FBXL17: variants seen among roughly 807,000 people sequenced by gnomAD.
FBXL17 encodes the protein F-box and leucine rich repeat protein 17, also known as F-box/LRR-repeat protein 17.
In FBXL17, 22 loss-of-function variants were observed where a neutral mutation model predicts 66.2. That is an observed-to-expected ratio of 0.33 (90% CI 0.24 to 0.47). The LOEUF is 0.47. Ranked by LOEUF, FBXL17 falls within the 20% of genes least tolerant of loss-of-function variation. The probability of loss-of-function intolerance (pLI) is 1.00; values close to 1 mark genes in which losing one functional copy is unlikely to be tolerated. For synonymous variants in FBXL17, 474 were observed against 400.5 expected, an observed-to-expected ratio of 1.18 and a Z score of -2.19; for missense variants, 878 against 948.2, an observed-to-expected ratio of 0.93 and a Z score of 0.97.
At chr5:107,883,146 C>T (rs1333003852) in intron 7 of FBXL17, among the ~76,000 whole-genome samples, 4 of 152,178 alleles carry the variant, frequency 2.6e-5, no homozygotes, top group Non-Finnish European at 5.9e-5. Flanking sequence ...GTTCTATGTG[C>T]CAGGCCCTTG....
At chr5:108,127,752 A>T (rs2149972764) in intron 6 of FBXL17, among the ~76,000 whole-genome samples, 1 of 152,314 alleles carries the variant, frequency 6.6e-6, no homozygotes, top group East Asian at 1.9e-4. Flanking sequence ...AACTTCCCAA[A>T]TGCTGATAGC....
chr5:107,922,032 G>A (rs954929546), intron 7 of FBXL17, among the ~76,000 whole-genome samples: 1 of 152,196 alleles, frequency 6.6e-6, no homozygotes, highest in African/African-American at 2.4e-5. Context: ...ACTAAGCGAT[G>A]TTGGGAAAGA....
intron 4 of FBXL17, among the ~76,000 whole-genome samples, chr5:108,238,847 G>A (rs894429375): frequency 6.6e-6 from 1 of 152,070 alleles, no homozygotes; most frequent in Non-Finnish European, 1.5e-5. Flanking sequence ...AATTCCATGT[G>A]TGGTTAACGT....
intron 6 of FBXL17, among the ~76,000 whole-genome samples, chr5:108,068,458 TG>T (rs113038445): frequency 0.76 from 90,999 of 120,418 alleles, 31,870 homozygotes; most frequent in East Asian, 0.92. Context: ...TTTCTTTTTT[TG>T]GGGGGGGGGC....
intron 6 of FBXL17, among the ~76,000 whole-genome samples, chr5:108,159,420 G>C (rs1395444332): frequency 2.0e-5 from 3 of 152,146 alleles, no homozygotes; most frequent in East Asian, 3.9e-4. Context: ...TAACCACCAA[G>C]GTGATGGTAT....
intron 4 of FBXL17, among the ~76,000 whole-genome samples, chr5:108,328,146 C>G (rs1366273105): frequency 6.6e-6 from 1 of 152,016 alleles, no homozygotes; most frequent in Non-Finnish European, 1.5e-5. Flanking sequence ...CTGGCCTGGC[C>G]TTAAGGAAAG....
intron 4 of FBXL17, among the ~76,000 whole-genome samples, chr5:108,343,059 G>C (rs1008673934): frequency 6.6e-6 from 1 of 152,176 alleles, no homozygotes; most frequent in African/African-American, 2.4e-5. Flanking sequence ...TACCATGTGA[G>C]GATACAGGGA....
chr5:108,165,975 T>A (rs1171603139), intron 6 of FBXL17, among the ~76,000 whole-genome samples: 1 of 152,182 alleles, frequency 6.6e-6, no homozygotes, highest in Non-Finnish European at 1.5e-5. Flanking sequence ...AGTGAAATAA[T>A]ATAGTAACCT....
intron 7 of FBXL17, among the ~76,000 whole-genome samples, chr5:108,008,730 T>C (rs1294918442): frequency 6.6e-6 from 1 of 152,150 alleles, no homozygotes; most frequent in Non-Finnish European, 1.5e-5. Flanking sequence ...AGTTGCTCCC[T>C]ATACAAGTGC....
chr5:107,954,698 T>A (rs955991745), intron 7 of FBXL17, among the ~76,000 whole-genome samples: 1 of 152,058 alleles, frequency 6.6e-6, no homozygotes, highest in Non-Finnish European at 1.5e-5. Context: ...AAAGGAGAGA[T>A]GAATGAAAAG....
chr5:108,276,624 G>T (rs999300269), intron 4 of FBXL17, among the ~76,000 whole-genome samples: 5 of 152,042 alleles, frequency 3.3e-5, no homozygotes, highest in Non-Finnish European at 7.4e-5. Context: ...GAGAAAAAAA[G>T]ACGTCTAACA....
intron 4 of FBXL17, among the ~76,000 whole-genome samples, chr5:108,293,112 CAA>C (rs543502394): frequency 7.0e-6 from 1 of 142,844 alleles, no homozygotes; most frequent in Non-Finnish European, 1.5e-5. Flanking sequence ...AAAAAAAAAA[CAA>C]AAAAAAACTT....
chr5:108,256,372 C>G (rs1561490970), intron 4 of FBXL17, among the ~76,000 whole-genome samples: 1 of 151,994 alleles, frequency 6.6e-6, no homozygotes, highest in Non-Finnish European at 1.5e-5. Flanking sequence ...TTATTTATTT[C>G]ATTTTATTAA....
intron 6 of FBXL17, among the ~76,000 whole-genome samples, chr5:108,123,281 T>C (rs1750575001): frequency 1.3e-5 from 2 of 152,012 alleles, no homozygotes; most frequent in African/African-American, 4.8e-5. Flanking sequence ...AAGAAGTGCA[T>C]TAGACTGTCA....
chr5:108,237,499 G>A (rs1370248289), intron 4 of FBXL17, among the ~76,000 whole-genome samples: 1 of 152,160 alleles, frequency 6.6e-6, no homozygotes, highest in East Asian at 1.9e-4. Flanking sequence ...CAGCAGAATG[G>A]TTGTGACTTT....
chr5:107,900,938 G>A (rs921493608), intron 7 of FBXL17, among the ~76,000 whole-genome samples: 1 of 152,062 alleles, frequency 6.6e-6, no homozygotes, highest in East Asian at 1.9e-4. Flanking sequence ...CATTTCAGGG[G>A]ATTAGAGGAT....
intron 4 of FBXL17, among the ~76,000 whole-genome samples, chr5:108,334,180 C>T (rs1580837040): frequency 6.6e-6 from 1 of 152,006 alleles, no homozygotes; most frequent in Admixed American, 6.5e-5. Flanking sequence ...CCTAAATTGC[C>T]CAAGAACTAG....
At chr5:108,144,339 G>A (rs1580507253) in intron 6 of FBXL17, among the ~76,000 whole-genome samples, 1 of 152,046 alleles carries the variant, frequency 6.6e-6, no homozygotes, top group South Asian at 2.1e-4. Flanking sequence ...TATTTGGGCC[G>A]AATTTAGGTA....
intron 4 of FBXL17, among the ~76,000 whole-genome samples, chr5:108,236,469 C>T (rs539449713): frequency 8.0e-5 from 12 of 149,342 alleles, no homozygotes; most frequent in African/African-American, 1.2e-4. Context: ...GCAGAGATCA[C>T]GCTATTGCCC....
Sources: gnomAD v4.1 joint callset for allele counts (sites outside exome capture counted in the v4.1 genomes callset) on GRCh38, gnomAD v4.1.1 for gene constraint, MANE v1.5 for transcripts, NCBI Gene and HGNC (gene_info 2026-07-23, HGNC 2026-07-21) for gene names.